Variants in FBXO7 observed in about 807,000 individuals in gnomAD.
FBXO7 encodes F-box protein 7.
Under a neutral mutation model 50.2 loss-of-function variants are expected in FBXO7, and 31 were observed. The ratio of observed to expected loss-of-function variants is 0.62; its 90% CI spans 0.46 to 0.83. FBXO7 has a LOEUF of 0.83. Ranked by LOEUF, FBXO7 falls within the 40% of genes least tolerant of loss-of-function variation. The pLI is 0.00. For synonymous variants in FBXO7, 256 were observed against 253.1 expected (o/e 1.01, Z -0.11); for missense variants, 667 against 646.6 (o/e 1.03, Z -0.34).
chr22:32,496,378 A>T (rs1345706619), intron 8 of FBXO7, among the ~76,000 whole-genome samples: 2 of 152,156 alleles, frequency 1.3e-5, no homozygotes, highest in Non-Finnish European at 2.9e-5. Flanking sequence ...GCTACTCAGG[A>T]GGCTGAGGCA....
At chr22:32,495,586 TTAATA>T in intron 8 of FBXO7, 56 bp downstream of exon 8, 2 of 950,918 alleles carry the variant, frequency 2.1e-6, no homozygotes, top group Non-Finnish European at 3.3e-6. Context: ...GACTAGTGAA[TTAATA>T]TATTAAGGGT....
At chr22:32,488,558 G>A (rs1444619006) in intron 5 of FBXO7, 1 of 152,166 alleles carries the variant, frequency 6.6e-6, no homozygotes. Context: ...GTAAACTTAG[G>A]AGGGTTTTAA....
intron 2 of FBXO7, among the ~76,000 whole-genome samples, chr22:32,481,263 AG>A (rs1280784464): frequency 6.6e-6 from 1 of 152,218 alleles, no homozygotes. Context: ...TGCCTCATAG[AG>A]GTAAACTGGG....
intron 5 of FBXO7, chr22:32,490,130 A>G (rs2057524887): frequency 6.6e-6 from 1 of 152,248 alleles, no homozygotes; most frequent in Admixed American, 6.5e-5. Context: ...AGTGAAATAC[A>G]TAAATATGAA....
intron 7 of FBXO7, 68 bp downstream of exon 7, chr22:32,493,349 GT>G: frequency 7.4e-7 from 1 of 1,351,326 alleles, no homozygotes; most frequent in East Asian, 2.3e-5. Context: ...CTCACCAAAA[GT>G]TTTTAGTTGT....
rs1361051461 is a variant in FBXO7, at chr22:32,474,955, C to T, written c.-48C>T. The T allele has an allele frequency of 6.0e-6, 9 of 1,505,902 alleles. No homozygotes were observed. The highest frequency in any genetic ancestry group is 7.1e-6 in the Non-Finnish European group (8 of 1,131,758). 93.3% of individuals were successfully genotyped at this position (1,505,902 alleles called of 1,614,324 possible). ...GGAGCTGCTCGGCCCCGCCGCCGTC[C>T]CCGTCGCCGCTTCCGGGTCCAGGCC... is the stretch of plus-strand genomic sequence containing the variant. On this transcript the variant is annotated 5_prime_UTR_variant, in exon 1 of 9. Coordinates refer to ENST00000266087, the MANE Select transcript of FBXO7 (RefSeq NM_012179.4).
At chr22:32,487,485 A>G in intron 4 of FBXO7, 1 of 354,176 alleles carries the variant, frequency 2.8e-6, no homozygotes, top group Admixed American at 4.3e-5. Context: ...GTTACTAATA[A>G]GCTGCTGCCT....
Position 32,484,020 on chromosome 22 carries a change from C to T in FBXO7, c.541C>T (p.His181Tyr). ...CSESVEGQVP[H>Y]SLETLYQSAD... Reference sequence around the variant, plus strand: ...TGAATCGGTGGAAGGGCAAGTGCCACATTCATTAGAGACCTTGTATCAATC... The same window carrying T: ...TGAATCGGTGGAAGGGCAAGTGCCATATTCATTAGAGACCTTGTATCAATC... The change falls in exon 3 of 9, where the codon CAT becomes TAT. Residue 181 changes from histidine (H) to tyrosine (Y), a missense_variant. Coordinates refer to ENST00000266087, the MANE Select transcript of FBXO7 (RefSeq NM_012179.4). The T allele has an allele frequency of 6.2e-7, 1 of 1,614,184 alleles. No homozygotes were observed. The highest frequency in any genetic ancestry group is 8.5e-7 in the Non-Finnish European group (1 of 1,180,030).
intron 6 of FBXO7, chr22:32,491,415 A>G (rs1281257179): frequency 4.4e-6 from 2 of 458,080 alleles, no homozygotes; most frequent in South Asian, 2.4e-5. Context: ...AATTGTTGAT[A>G]TGATTTCTTT....
intron 8 of FBXO7, among the ~76,000 whole-genome samples, chr22:32,496,228 C>A (rs1023250750): frequency 6.6e-6 from 1 of 152,182 alleles, no homozygotes; most frequent in African/African-American, 2.4e-5. Context: ...CGCCTGTAAT[C>A]CCAGCACTTT....
In FBXO7 at chr22:32,485,229, A is replaced by G; in HGVS notation, c.787+20A>G. The G allele has an allele frequency of 6.2e-7, 1 of 1,614,006 alleles. No individual in the cohort carries two copies. Among genetic ancestry groups the G allele is most frequent in the Non-Finnish European group, 8.5e-7 (1 of 1,179,928 alleles). On this transcript the variant is annotated intron_variant, in intron 4 of 8. Transcript: ENST00000266087. The stretch of plus-strand genomic sequence containing the variant: ...TAAATGGTAATTGGATAGCATAGTC[A>G]TGGTTGCTGGTTTATGGATTCTTAG...
chr22:32,488,747 G>C (rs2057515390), intron 5 of FBXO7: 1 of 152,208 alleles, frequency 6.6e-6, no homozygotes, highest in Non-Finnish European at 1.5e-5. Flanking sequence ...AGGAAAAGGA[G>C]ATAGCAGAAT....
intron 2 of FBXO7, 98 bp downstream of exon 2, chr22:32,479,373 A>C: frequency 9.4e-7 from 1 of 1,065,500 alleles, no homozygotes; most frequent in Non-Finnish European, 1.4e-6. Context: ...TATCATCGAT[A>C]GATTGCACAT....
chr22:32,492,954 T>C, intron 6 of FBXO7, 151 bp from the exon 7 acceptor site: 1 of 753,452 alleles, frequency 1.3e-6, no homozygotes, highest in Non-Finnish European at 2.4e-6. Flanking sequence ...AAAAATTTGT[T>C]GTAGATGATG....
intron 7 of FBXO7, 112 bp from the exon 8 acceptor site, chr22:32,495,381 T>TTTG: frequency 4.9e-6 from 3 of 609,130 alleles, no homozygotes; most frequent in East Asian, 3.1e-5. Flanking sequence ...TTTTTTTTTT[T>TTTG]TTATGCTTAA....
intron 2 of FBXO7, among the ~76,000 whole-genome samples, chr22:32,483,406 G>A (rs1346400218): frequency 6.6e-6 from 1 of 152,168 alleles, no homozygotes; most frequent in African/African-American, 2.4e-5. Flanking sequence ...TTTAAGCTGC[G>A]ACATAGTACA....
chr22:32,475,316 C>T (rs1451434382), intron 1 of FBXO7, 192 bp downstream of exon 1: 4 of 1,607,782 alleles, frequency 2.5e-6, no homozygotes, highest in Middle Eastern at 1.9e-4. Flanking sequence ...AGGGTGCAGG[C>T]GACGGGAAGC....
At chr22:32,496,554 C>G (rs972652377) in intron 8 of FBXO7, among the ~76,000 whole-genome samples, 1 of 152,160 alleles carries the variant, frequency 6.6e-6, no homozygotes, top group Non-Finnish European at 1.5e-5. Flanking sequence ...AATGGAACAA[C>G]AAAGCCTGGA....
At chr22:32,476,055 A>C (rs17698230) in intron 1 of FBXO7, 5,227 of 152,270 alleles carry the variant, frequency 0.034, 116 homozygotes, top group South Asian at 0.093. Context: ...TTTTAGGTGA[A>C]TTCTTCAAAA....
Sources: gnomAD v4.1 joint callset for allele counts (sites outside exome capture counted in the v4.1 genomes callset) on GRCh38, gnomAD v4.1.1 for gene constraint, MANE v1.5 for transcripts, NCBI Gene and HGNC (gene_info 2026-07-23, HGNC 2026-07-21) for gene names.